The following CFAP90 variants were observed in gnomAD, a reference collection of about 807,000 sequenced individuals.
CFAP90 encodes cilia- and flagella-associated protein 90.
chr5:7,833,312 CAT>C, the CFAP90 span, among the ~76,000 whole-genome samples: 3 of 152,060 alleles, frequency 2.0e-5, no homozygotes, highest in Admixed American at 6.5e-5. Context: ...TATGTACACA[CAT>C]GTACATGCAT....
chr5:7,832,815 C>T, the CFAP90 span, among the ~76,000 whole-genome samples: 1 of 152,198 alleles, frequency 6.6e-6, no homozygotes, highest in Non-Finnish European at 1.5e-5. Flanking sequence ...TTTCTCTCTT[C>T]CTTCAGGAAT....
At chr5:7,850,780 G>A in the CFAP90 span, 1 of 899,124 alleles carries the variant, frequency 1.1e-6, no homozygotes, top group East Asian at 9.1e-5. Context: ...GCGGCCGCCC[G>A]CCCCTGCCCA....
the CFAP90 span, among the ~76,000 whole-genome samples, chr5:7,850,603 G>A: frequency 6.6e-5 from 5 of 75,344 alleles, no homozygotes; most frequent in East Asian, 1.8e-3. Context: ...CCGCCCCCAG[G>A]CCCCCTCCCC....
At chr5:7,832,019 C>G in the CFAP90 span, 2 of 1,604,990 alleles carry the variant, frequency 1.2e-6, no homozygotes, top group Non-Finnish European at 1.7e-6. Context: ...TCCAACCGGC[C>G]TCTCCTGTTC....
chr5:7,839,062 G>T, the CFAP90 span, among the ~76,000 whole-genome samples: 1 of 152,228 alleles, frequency 6.6e-6, no homozygotes, highest in Non-Finnish European at 1.5e-5. Context: ...GGCAGAAGGT[G>T]AAAGGCACTT....
At chr5:7,845,760 G>A in the CFAP90 span, among the ~76,000 whole-genome samples, 2 of 151,964 alleles carry the variant, frequency 1.3e-5, no homozygotes, top group Admixed American at 6.6e-5. Context: ...AACTCTCTAG[G>A]GAGCCGTACA....
chr5:7,839,171 C>T, the CFAP90 span, among the ~76,000 whole-genome samples: 2 of 152,138 alleles, frequency 1.3e-5, 1 homozygote. Flanking sequence ...AGTAACAGCA[C>T]AGGAAAGACC....
At chr5:7,843,125 T>G in the CFAP90 span, among the ~76,000 whole-genome samples, 2 of 152,192 alleles carry the variant, frequency 1.3e-5, no homozygotes, top group Non-Finnish European at 2.9e-5. Context: ...AACCTAATTT[T>G]AAAACTGAAA....
At chr5:7,847,469 G>C in the CFAP90 span, among the ~76,000 whole-genome samples, 1 of 67,058 alleles carries the variant, frequency 1.5e-5, no homozygotes, top group South Asian at 3.8e-4. Flanking sequence ...TTTCTGTAAA[G>C]GGCCAGGTAG....
the CFAP90 span, chr5:7,831,645 G>A: frequency 1.9e-6 from 1 of 525,016 alleles, no homozygotes; most frequent in Non-Finnish European, 3.4e-6. Flanking sequence ...TGTACTAAAG[G>A]TGTTGTTGGT....
the CFAP90 span, among the ~76,000 whole-genome samples, chr5:7,843,434 C>T: frequency 6.6e-6 from 1 of 152,278 alleles, no homozygotes; most frequent in Admixed American, 6.5e-5. Flanking sequence ...TTTAGAAATT[C>T]TTATAAATTT....
At chr5:7,842,588 A>G in the CFAP90 span, among the ~76,000 whole-genome samples, 1 of 152,142 alleles carries the variant, frequency 6.6e-6, no homozygotes, top group Non-Finnish European at 1.5e-5. Flanking sequence ...AAATGACTCT[A>G]AAGTCCTAAA....
chr5:7,833,636 CATACACACAT>C, the CFAP90 span, among the ~76,000 whole-genome samples: 2 of 152,118 alleles, frequency 1.3e-5, no homozygotes, highest in Non-Finnish European at 1.5e-5. Flanking sequence ...CACATATATA[CATACACACAT>C]GTACACACAT....
chr5:7,831,793 G>GGCAAGA, the CFAP90 span: 2 of 1,539,388 alleles, frequency 1.3e-6, no homozygotes, highest in South Asian at 2.3e-5. Context: ...CCTTCTCGCT[G>GGCAAGA]TGCAAACTTG....
the CFAP90 span, among the ~76,000 whole-genome samples, chr5:7,843,593 T>C: frequency 6.6e-6 from 1 of 152,132 alleles, no homozygotes; most frequent in African/African-American, 2.4e-5. Flanking sequence ...GGAAACTTGG[T>C]GATTGTGGAG....
At chr5:7,846,012 C>G in the CFAP90 span, among the ~76,000 whole-genome samples, 2 of 151,694 alleles carry the variant, frequency 1.3e-5, no homozygotes, top group Non-Finnish European at 2.9e-5. Flanking sequence ...GGATCCAGCA[C>G]TTAGTGAAAA....
At chr5:7,833,335 C>T in the CFAP90 span, among the ~76,000 whole-genome samples, 1 of 151,446 alleles carries the variant, frequency 6.6e-6, no homozygotes, top group South Asian at 2.1e-4. Flanking sequence ...ACAATATACA[C>T]ACATGTGCAT....
chr5:7,838,645 G>A, the CFAP90 span, among the ~76,000 whole-genome samples: 1 of 152,178 alleles, frequency 6.6e-6, no homozygotes, highest in Non-Finnish European at 1.5e-5. Context: ...TATTTTAAGG[G>A]ATTCAATAGT....
the CFAP90 span, among the ~76,000 whole-genome samples, chr5:7,844,728 A>G: frequency 6.6e-6 from 1 of 152,198 alleles, no homozygotes; most frequent in African/African-American, 2.4e-5. Context: ...GGAGTTGCCT[A>G]GATAATGACA....
Sources: allele counts gnomAD v4.1 joint callset (sites outside exome capture counted in the v4.1 genomes callset), GRCh38; gene constraint gnomAD v4.1.1; transcripts MANE v1.5; gene names NCBI Gene and HGNC (gene_info 2026-07-23, HGNC 2026-07-21).